The following SDHC variants were observed in gnomAD, a reference collection of about 807,000 sequenced individuals.
The protein encoded by SDHC is succinate dehydrogenase cytochrome b560 subunit, mitochondrial.
Under a neutral mutation model 22.6 loss-of-function variants are expected in SDHC, and 11 were observed. The ratio of observed to expected loss-of-function variants is 0.49; its 90% CI spans 0.31 to 0.81. The LOEUF is 0.81. SDHC is among the 30% of genes least tolerant of loss of function. The pLI, the probability that SDHC is intolerant of heterozygous loss-of-function variation, is 0.05. For synonymous variants in SDHC, 80 were observed against 77.8 expected (o/e 1.03, Z -0.15); for missense variants, 160 against 212.0 (o/e 0.75, Z 1.52).
At chr1:161,358,269 G>A (rs1053360716) in intron 5 of SDHC, among the ~76,000 whole-genome samples, 13 of 150,328 alleles carry the variant, frequency 8.6e-5, no homozygotes, top group African/African-American at 2.9e-4. Context: ...CCTTACAGGT[G>A]CCTGCCACCA....
At chr1:161,319,599 A>G (rs1402330491) in intron 1 of SDHC, among the ~76,000 whole-genome samples, 2 of 152,098 alleles carry the variant, frequency 1.3e-5, no homozygotes, top group Non-Finnish European at 2.9e-5. Context: ...GGGGTGTGCC[A>G]GTATGCCTGG....
At chr1:161,352,001 C>T (rs1672114329) in intron 4 of SDHC, among the ~76,000 whole-genome samples, 1 of 152,158 alleles carries the variant, frequency 6.6e-6, no homozygotes, top group Non-Finnish European at 1.5e-5. Flanking sequence ...TGGGGTGGAT[C>T]CAGCAGGAAC....
chr1:161,357,066 C>T (rs561717767), intron 5 of SDHC, among the ~76,000 whole-genome samples: 5 of 151,566 alleles, frequency 3.3e-5, no homozygotes, highest in African/African-American at 9.7e-5. Flanking sequence ...AAGTAGTTGG[C>T]GTTATAGACG....
intron 1 of SDHC, among the ~76,000 whole-genome samples, chr1:161,318,810 G>T (rs1052951750): frequency 6.0e-5 from 9 of 149,040 alleles, no homozygotes; most frequent in Non-Finnish European, 1.2e-4. Flanking sequence ...GAGGCGGGAG[G>T]ATCACCTGAG....
chr1:161,329,669 A>C (rs1671205314), intron 3 of SDHC, among the ~76,000 whole-genome samples: 3 of 152,246 alleles, frequency 2.0e-5, no homozygotes, highest in African/African-American at 7.2e-5. Context: ...AACAAGTATC[A>C]CAAACTTAGT....
intron 2 of SDHC, among the ~76,000 whole-genome samples, chr1:161,324,223 A>G (rs1670964123): frequency 6.6e-6 from 1 of 152,166 alleles, no homozygotes; most frequent in Non-Finnish European, 1.5e-5. Context: ...CCGTAGCCTC[A>G]GCTTCCTGTA....
chr1:161,360,726 G>T (rs1672474827), intron 5 of SDHC, among the ~76,000 whole-genome samples: 1 of 151,702 alleles, frequency 6.6e-6, no homozygotes, highest in Non-Finnish European at 1.5e-5. Context: ...CTATTTTTTA[G>T]TATTAAAAAG....
At chr1:161,316,346 G>T (rs1265023896) in intron 1 of SDHC, among the ~76,000 whole-genome samples, 1 of 152,230 alleles carries the variant, frequency 6.6e-6, no homozygotes, top group Non-Finnish European at 1.5e-5. Flanking sequence ...AGGTCCTTGC[G>T]GCCTACCGCA....
At chr1:161,317,579 T>G (rs1246718509) in intron 1 of SDHC, among the ~76,000 whole-genome samples, 63 of 120,654 alleles carry the variant, frequency 5.2e-4, no homozygotes, top group African/African-American at 2.1e-3. Context: ...TTTTTTTTTT[T>G]GAGACAGAGT....
At chr1:161,332,650 T>G (rs2102317465) in intron 3 of SDHC, among the ~76,000 whole-genome samples, 1 of 151,402 alleles carries the variant, frequency 6.6e-6, no homozygotes, top group East Asian at 1.9e-4. Flanking sequence ...TTTTTTTTTT[T>G]GAGATGGAGT....
At chr1:161,361,613 G>A (rs1295265560) in intron 5 of SDHC, among the ~76,000 whole-genome samples, 1 of 152,188 alleles carries the variant, frequency 6.6e-6, no homozygotes, top group African/African-American at 2.4e-5. Flanking sequence ...GACAAGGCGG[G>A]CAGATCACGA....
At chr1:161,351,357 C>T (rs1672091522) in intron 4 of SDHC, among the ~76,000 whole-genome samples, 1 of 152,154 alleles carries the variant, frequency 6.6e-6, no homozygotes, top group Non-Finnish European at 1.5e-5. Context: ...TTTGAGATCT[C>T]TTGAGAGATC....
intron 3 of SDHC, among the ~76,000 whole-genome samples, chr1:161,330,772 G>C (rs1272109315): frequency 6.6e-6 from 1 of 152,124 alleles, no homozygotes; most frequent in African/African-American, 2.4e-5. Context: ...GACCAAAGCA[G>C]GTGAATTTCC....
At chr1:161,357,354 C>T (rs1211859818) in intron 5 of SDHC, among the ~76,000 whole-genome samples, 1 of 152,132 alleles carries the variant, frequency 6.6e-6, no homozygotes, top group Non-Finnish European at 1.5e-5. Context: ...ATAGGCCTCA[C>T]AGATACTTGC....
At chr1:161,356,453 C>T (rs758001877) in intron 4 of SDHC, among the ~76,000 whole-genome samples, 1 of 152,084 alleles carries the variant, frequency 6.6e-6, no homozygotes, top group Non-Finnish European at 1.5e-5. Context: ...GCAGGAGACT[C>T]GCTTGAACTT....
intron 1 of SDHC, chr1:161,314,798 C>T (rs1187907541): frequency 3.6e-6 from 1 of 274,864 alleles, no homozygotes. Flanking sequence ...CGTATTTAGA[C>T]ATTTAGCTTC....
At chr1:161,348,496 C>T (rs978779038) in intron 4 of SDHC, among the ~76,000 whole-genome samples, 1 of 151,482 alleles carries the variant, frequency 6.6e-6, no homozygotes, top group Non-Finnish European at 1.5e-5. Context: ...AGACTAATAG[C>T]ACTCTTATAT....
intron 3 of SDHC, 30 bp downstream of exon 3, chr1:161,328,527 T>G: frequency 6.8e-7 from 1 of 1,467,532 alleles, no homozygotes; most frequent in Non-Finnish European, 9.6e-7. Context: ...CCAGAGAATC[T>G]AGAGGTAGTG....
intron 1 of SDHC, among the ~76,000 whole-genome samples, chr1:161,319,957 C>T (rs903539695): frequency 2.6e-5 from 4 of 152,080 alleles, no homozygotes; most frequent in Admixed American, 1.3e-4. Context: ...CGTTGTTTGC[C>T]CACAGTTTGG....
Sources: allele counts gnomAD v4.1 joint callset (sites outside exome capture counted in the v4.1 genomes callset), GRCh38; gene constraint gnomAD v4.1.1; transcripts MANE v1.5; gene names NCBI Gene and HGNC (gene_info 2026-07-23, HGNC 2026-07-21).